The following INTS9 variants were observed in gnomAD, a reference collection of about 807,000 sequenced individuals.
INTS9 encodes protein related to CPSF subunits of 74 kDa.
Under a neutral mutation model 79.7 loss-of-function variants are expected in INTS9, and 55 were observed. The ratio of observed to expected loss-of-function variants is 0.69; its 90% CI spans 0.56 to 0.86. INTS9 has a LOEUF of 0.86. Among genes scored for constraint, INTS9 ranks in the 40% least tolerant of loss-of-function variants. The pLI is 0.00. For missense variants in INTS9, 721 were observed against 831.5 expected, an observed-to-expected ratio of 0.87 and a Z score of 1.64; for synonymous variants, 319 against 325.2, an observed-to-expected ratio of 0.98 and a Z score of 0.20.
chr8:28,805,868 T>C (rs1804777628), intron 8 of INTS9, among the ~76,000 whole-genome samples: 1 of 151,924 alleles, frequency 6.6e-6, no homozygotes, highest in African/African-American at 2.4e-5. Flanking sequence ...TGAAAGAAGA[T>C]GGTAAAACTA....
rs1283721788 is a variant in INTS9, at chr8:28,767,880, C to T, written c.*266G>A. The T allele has an allele frequency of 2.9e-5, 13 of 446,834 alleles. No homozygotes were observed. The highest frequency in any genetic ancestry group is 4.5e-5 in the Non-Finnish European group (11 of 242,638). 27.7% of individuals were successfully genotyped at this position (446,834 alleles called of 1,614,324 possible). ...CCATGAACCTCTTGGAAAACTTCTCCTGTCCCACTTCTGCCACCCTCCAGC... is the reference window on the plus strand; with the variant it reads ...CCATGAACCTCTTGGAAAACTTCTCTTGTCCCACTTCTGCCACCCTCCAGC... On this transcript the variant is annotated 3_prime_UTR_variant, in exon 17 of 17. Coordinates refer to ENST00000521022, the MANE Select transcript of INTS9 (RefSeq NM_018250.4).
At chr8:28,887,056 C>T (rs543704626) in intron 1 of INTS9, among the ~76,000 whole-genome samples, 18 of 152,214 alleles carry the variant, frequency 1.2e-4, no homozygotes, top group African/African-American at 2.9e-4. Flanking sequence ...GACAGACACA[C>T]GCCAATAATT....
chr8:28,822,213 A>G (rs1263548638), intron 6 of INTS9, among the ~76,000 whole-genome samples: 1 of 152,238 alleles, frequency 6.6e-6, no homozygotes, highest in Non-Finnish European at 1.5e-5. Context: ...GATGGAAAAG[A>G]GAAGAGAAAA....
rs148214623 is a variant in INTS9, at chr8:28,827,970, A to G, written c.488+7322T>C. On this transcript the variant is annotated intron_variant, in intron 6 of 16. Transcript: ENST00000521022. The stretch of plus-strand genomic sequence containing the variant: ...CATCCTGGGAGTCTGGTGAGCATGA[A>G]TCAGTCCCTCAGAGGCTAATCAACT... Among the ~76,000 whole-genome samples the G allele has an allele frequency of 7.9e-5, 12 of 152,250 alleles. 1 individual carries two copies. The East Asian group carries it at 2.3e-3, about 29-fold the overall frequency.
rs747420713 is a variant in INTS9 at position 28,771,077 on chromosome 8, C to T, written c.1567G>A (p.Ala523Thr). The T allele has an allele frequency of 4.4e-6, 7 of 1,606,336 alleles. No homozygotes were observed. Among genetic ancestry groups the T allele is most frequent in the East Asian group, 4.5e-5 (2 of 44,440 alleles). ...YEKIEIMPEL[A>T]DSLVPMEIKP... ...ATCTCCATGGGCACCAGTGAATCTGCGAGCTGAAAGCAAAGGGCGCAGTTC... is the reference window on the plus strand; with the variant it reads ...ATCTCCATGGGCACCAGTGAATCTGTGAGCTGAAAGCAAAGGGCGCAGTTC... The change falls in exon 15 of 17, where the codon GCA (alanine) becomes ACA (threonine). Residue 523 changes from alanine (A) to threonine (T), a missense_variant. Physicochemically the swap from Ala to Thr is moderately conservative, Grantham distance 58 (BLOSUM62 0). Transcript: ENST00000521022.
intron 8 of INTS9, among the ~76,000 whole-genome samples, chr8:28,804,676 A>G (rs1035833990): frequency 6.6e-6 from 1 of 152,162 alleles, no homozygotes; most frequent in Non-Finnish European, 1.5e-5. Flanking sequence ...AAACAAGAAC[A>G]CCAAGGAAGG....
At chr8:28,801,613 C>T (rs1361959797) in intron 8 of INTS9, among the ~76,000 whole-genome samples, 1 of 151,958 alleles carries the variant, frequency 6.6e-6, no homozygotes, top group Non-Finnish European at 1.5e-5. Flanking sequence ...TCTTTATTTA[C>T]TTATTTATTT....
chr8:28,842,129 T>C (rs1022427866), intron 4 of INTS9, among the ~76,000 whole-genome samples: 11 of 152,162 alleles, frequency 7.2e-5, no homozygotes, highest in Admixed American at 2.0e-4. Context: ...TTAGTGATAG[T>C]AAAATACATT....
rs555026364 is a variant in INTS9, at chr8:28,850,396, C to G, written c.138-123G>C. The G allele has an allele frequency of 1.9e-5, 11 of 590,806 alleles. No individual in the cohort carries two copies. In the African/African-American group the frequency reaches 2.1e-4, roughly 12 times the overall value. The allele number at this position is 590,806 out of a possible 1,614,324, so 36.6% of individuals were successfully genotyped here. On this transcript the variant is annotated intron_variant, in intron 2 of 16. Coordinates refer to ENST00000521022, the MANE Select transcript of INTS9 (RefSeq NM_018250.4). Reference sequence around the variant, plus strand: ...TAAAATTACTGGCAGTAGTTCTTACCCTAAATTCCAATAAAAAATAAGAGA... The same window carrying G: ...TAAAATTACTGGCAGTAGTTCTTACGCTAAATTCCAATAAAAAATAAGAGA...
intron 1 of INTS9, among the ~76,000 whole-genome samples, chr8:28,878,077 C>G (rs762921371): frequency 8.6e-5 from 13 of 151,948 alleles, no homozygotes; most frequent in Non-Finnish European, 1.3e-4. Context: ...TGAGGTAGTT[C>G]TAGATATTTA....
intron 3 of INTS9, among the ~76,000 whole-genome samples, chr8:28,847,037 A>AT (rs930995917): frequency 6.6e-5 from 10 of 152,130 alleles, no homozygotes; most frequent in Non-Finnish European, 1.3e-4. Flanking sequence ...TTGAAGGCAC[A>AT]TTTTTTGATA....
intron 6 of INTS9, among the ~76,000 whole-genome samples, chr8:28,820,024 T>A (rs949553277): frequency 6.6e-6 from 1 of 152,204 alleles, no homozygotes; most frequent in African/African-American, 2.4e-5. Context: ...CCTCCATCCT[T>A]TTATTTTGAG....
chr8:28,783,133 A>C, intron 11 of INTS9, among the ~76,000 whole-genome samples: 3 of 119,628 alleles, frequency 2.5e-5, no homozygotes, highest in Non-Finnish European at 3.2e-5. Context: ...CGACAGTGAG[A>C]CTCCGTCTCA....
intron 2 of INTS9, among the ~76,000 whole-genome samples, chr8:28,857,777 A>G (rs1325672409): frequency 1.3e-5 from 2 of 152,178 alleles, no homozygotes; most frequent in African/African-American, 2.4e-5. Context: ...CCTTTATGAA[A>G]CTTACATGTA....
At chr8:28,832,063 A>G (rs1002518733) in intron 6 of INTS9, among the ~76,000 whole-genome samples, 4 of 152,176 alleles carry the variant, frequency 2.6e-5, no homozygotes, top group African/African-American at 9.7e-5. Context: ...GCAGCAAATC[A>G]CTATAAAGGG....
intron 8 of INTS9, among the ~76,000 whole-genome samples, chr8:28,803,733 G>A (rs1472273601): frequency 6.6e-6 from 1 of 151,840 alleles, no homozygotes; most frequent in African/African-American, 2.4e-5. Flanking sequence ...TTAATGTCAG[G>A]ATTCATATAG....
intron 9 of INTS9, 107 bp from the exon 10 acceptor site, chr8:28,794,094 T>G (rs1033998115): frequency 1.8e-5 from 16 of 893,204 alleles, no homozygotes; most frequent in Non-Finnish European, 2.3e-5. Flanking sequence ...CTTCTGTTTT[T>G]ATGATTTACT....
At position 28,809,663 on chromosome 8, in the gene INTS9, G is replaced by C. The variant is rs181877754; in HGVS notation, c.744+2664C>G. ...GAACTAAGCAGGACAAATCGCGAGAGTTGGCAACCAAGTCATCTTTCTGTC... is the reference window on the plus strand; with the variant it reads ...GAACTAAGCAGGACAAATCGCGAGACTTGGCAACCAAGTCATCTTTCTGTC... On this transcript the variant is annotated intron_variant, in intron 8 of 16. Coordinates refer to ENST00000521022, the MANE Select transcript of INTS9 (RefSeq NM_018250.4). Among the ~76,000 whole-genome samples the C allele has an allele frequency of 4.1e-3, 625 of 152,314 alleles. 2 individuals carry two copies. Among genetic ancestry groups the C allele is most frequent in the Non-Finnish European group, 6.7e-3 (454 of 68,024 alleles).
chr8:28,793,779 C>CA (rs67407592), intron 10 of INTS9, 28 bp downstream of exon 10: 218,070 of 1,133,732 alleles, frequency 0.19, 3,284 homozygotes, highest in East Asian at 0.4. Context: ...ATAAAATTCA[C>CA]AAAAAAAAAA....
Sources: allele counts gnomAD v4.1 joint callset (sites outside exome capture counted in the v4.1 genomes callset), GRCh38; gene constraint gnomAD v4.1.1; transcripts MANE v1.5; gene names NCBI Gene and HGNC (gene_info 2026-07-23, HGNC 2026-07-21).